ST6GALNAC3: variants seen among roughly 807,000 people sequenced by gnomAD.
ST6GALNAC3 encodes ST6 N-acetylgalactosaminide alpha-2,6-sialyltransferase 3.
ST6GALNAC3 carries 25 observed loss-of-function variants against 32.7 expected under a neutral mutation model. That is an observed-to-expected ratio of 0.76 (90% CI 0.56 to 1.07). ST6GALNAC3 has a LOEUF of 1.07. Ranked by LOEUF, ST6GALNAC3 falls within the 50% of genes least tolerant of loss-of-function variation. The pLI, the probability that ST6GALNAC3 is intolerant of heterozygous loss-of-function variation, is 0.00. For synonymous variants in ST6GALNAC3, 129 were observed against 133.1 expected (o/e 0.97, Z 0.21); for missense variants, 355 against 382.4 (o/e 0.93, Z 0.60).
chr1:76,290,384 G>C (rs1490289261), intron 1 of ST6GALNAC3, among the ~76,000 whole-genome samples: 4 of 151,942 alleles, frequency 2.6e-5, no homozygotes, highest in African/African-American at 9.7e-5. Context: ...AAAACATTCA[G>C]ATCTACCTCA....
At chr1:76,152,345 G>C (rs921952436) in intron 1 of ST6GALNAC3, among the ~76,000 whole-genome samples, 1 of 152,150 alleles carries the variant, frequency 6.6e-6, no homozygotes, top group Non-Finnish European at 1.5e-5. Flanking sequence ...TTTAAGATGC[G>C]GAGGAAATCT....
intron 1 of ST6GALNAC3, among the ~76,000 whole-genome samples, chr1:76,283,206 T>A (rs565697552): frequency 6.6e-6 from 1 of 152,290 alleles, no homozygotes; most frequent in Admixed American, 6.5e-5. Flanking sequence ...GTTTGTTTGT[T>A]TCTATATTAT....
intron 1 of ST6GALNAC3, among the ~76,000 whole-genome samples, chr1:76,290,063 A>G (rs940883322): frequency 5.3e-5 from 8 of 152,220 alleles, no homozygotes; most frequent in African/African-American, 1.9e-4. Context: ...CTCTTTTGAA[A>G]TAGTTTTTAG....
chr1:76,077,444 T>G (rs1388593379), intron 1 of ST6GALNAC3, among the ~76,000 whole-genome samples: 1 of 152,196 alleles, frequency 6.6e-6, no homozygotes, highest in Non-Finnish European at 1.5e-5. Flanking sequence ...AATGTTTTTA[T>G]GTGTACCACA....
At chr1:76,479,044 T>C (rs1659553419) in intron 3 of ST6GALNAC3, among the ~76,000 whole-genome samples, 1 of 152,126 alleles carries the variant, frequency 6.6e-6, no homozygotes, top group South Asian at 2.1e-4. Context: ...ATTACAGGCG[T>C]AACCCACCAT....
chr1:76,525,787 G>GTATATATATA (rs1662840934), intron 3 of ST6GALNAC3, among the ~76,000 whole-genome samples: 1 of 71,392 alleles, frequency 1.4e-5, no homozygotes, highest in East Asian at 6.3e-4. Context: ...GTGTGTGTGT[G>GTATATATATA]TGTGTATATA....
chr1:76,599,455 C>G (rs937872336), intron 3 of ST6GALNAC3, among the ~76,000 whole-genome samples: 2 of 151,922 alleles, frequency 1.3e-5, no homozygotes, highest in African/African-American at 4.8e-5. Flanking sequence ...CCTTGCCCCC[C>G]ACCCTCCGAC....
chr1:76,357,126 T>TTTTC lies in ST6GALNAC3; in HGVS notation c.213+43131_213+43134dup, dbSNP rs1236163749. Among the ~76,000 whole-genome samples, 454 of 78,424 alleles carry TTTTC rather than the reference T, an allele frequency of 5.8e-3. 5 individuals carry two copies. The highest frequency in any genetic ancestry group is 0.02 in the African/African-American group (429 of 21,306). 51.4% of individuals were successfully genotyped at this position (78,424 alleles called of 152,430 possible). On this transcript the variant is annotated intron_variant, in intron 2 of 4. Transcript: ENST00000328299. ...ATGCTAGTTTTCTTTTTTCTTTTCT[T>TTTTC]TTTCTTTTTTTTTTTTTTTCATTTT... is the stretch of plus-strand genomic sequence containing the variant.
chr1:76,234,467 C>G (rs1656537110), intron 1 of ST6GALNAC3, among the ~76,000 whole-genome samples: 2 of 152,180 alleles, frequency 1.3e-5, no homozygotes, highest in East Asian at 3.9e-4. Flanking sequence ...CAGTGGGAAG[C>G]AATTTGGAAC....
chr1:76,432,443 C>CTTTTT (rs35527607), intron 3 of ST6GALNAC3, among the ~76,000 whole-genome samples: 4 of 57,188 alleles, frequency 7.0e-5, no homozygotes, highest in African/African-American at 2.1e-4. Context: ...CCTTTATTGC[C>CTTTTT]TTTTTTTTTT....
At position 76,494,649 on chromosome 1, in the gene ST6GALNAC3, G is replaced by GCACACACACA. The variant is rs35632611; in HGVS notation, c.623+82254_623+82263dup. Among the ~76,000 whole-genome samples, 104 of 67,720 alleles carry GCACACACACA rather than the reference G, an allele frequency of 1.5e-3. 7 individuals are homozygous for GCACACACACA. Among genetic ancestry groups the GCACACACACA allele is most frequent in the African/African-American group, 6.2e-3 (96 of 15,472 alleles). 44.4% of individuals were successfully genotyped at this position (67,720 alleles called of 152,430 possible). Reference sequence around the variant, plus strand: ...ATAAAAATATATTTCATGTGTATGCGCACACACACACACACACACACACAC... The same window carrying GCACACACACA: ...ATAAAAATATATTTCATGTGTATGCGCACACACACACACACACACACACACACACACACAC... On this transcript the variant is annotated intron_variant, in intron 3 of 4. Transcript: ENST00000328299.
At chr1:76,283,242 A>C (rs1342931335) in intron 1 of ST6GALNAC3, among the ~76,000 whole-genome samples, 1 of 152,150 alleles carries the variant, frequency 6.6e-6, no homozygotes, top group Non-Finnish European at 1.5e-5. Flanking sequence ...CAGAGTATAG[A>C]AAATTGGCTT....
At chr1:76,565,550 T>C (rs1398519198) in intron 3 of ST6GALNAC3, among the ~76,000 whole-genome samples, 2 of 152,154 alleles carry the variant, frequency 1.3e-5, no homozygotes, top group African/African-American at 4.8e-5. Flanking sequence ...TCACTAAGCC[T>C]CCCAGCTCGG....
chr1:76,513,935 T>C (rs983444812), intron 3 of ST6GALNAC3, among the ~76,000 whole-genome samples: 2 of 152,204 alleles, frequency 1.3e-5, no homozygotes, highest in African/African-American at 4.8e-5. Context: ...ATGGAATTGT[T>C]TTCCTGAATT....
Position 76,357,130 on chromosome 1 carries a change from C to CTTTTTTTTTTT in ST6GALNAC3, c.213+43136_213+43146dup, listed in dbSNP as rs55786044. 1.8e-3 allele frequency among the ~76,000 whole-genome samples: 199 copies of CTTTTTTTTTTT among 111,164 alleles called. 2 individuals are homozygous for CTTTTTTTTTTT. Among genetic ancestry groups the CTTTTTTTTTTT allele is most frequent in the East Asian group, 2.5e-3 (9 of 3,608 alleles). The allele number at this position is 111,164 out of a possible 152,430, so 72.9% of individuals were successfully genotyped here. A position where few individuals can be genotyped will look rare whatever the true frequency, so the allele number is the denominator to read the frequency against. On this transcript the variant is annotated intron_variant, in intron 2 of 4. Transcript: ENST00000328299. ...TAGTTTTCTTTTTTCTTTTCTTTTTCTTTTTTTTTTTTTTTCATTTTTGAG... is the reference window on the plus strand; with the variant it reads ...TAGTTTTCTTTTTTCTTTTCTTTTTCTTTTTTTTTTTTTTTTTTTTTTTTTTCATTTTTGAG...
intron 2 of ST6GALNAC3, among the ~76,000 whole-genome samples, chr1:76,338,894 A>G (rs1239115976): frequency 6.6e-6 from 1 of 152,188 alleles, no homozygotes; most frequent in Non-Finnish European, 1.5e-5. Context: ...ATCTTCCAAG[A>G]TATCCACCCA....
At chr1:76,162,682 C>T (rs1055225999) in intron 1 of ST6GALNAC3, among the ~76,000 whole-genome samples, 9 of 152,100 alleles carry the variant, frequency 5.9e-5, no homozygotes, top group African/African-American at 1.2e-4. Flanking sequence ...GCACACCCAG[C>T]TGGGTCTAAT....
chr1:76,514,188 G>A lies in ST6GALNAC3; in HGVS notation c.623+101771G>A, dbSNP rs1024849924. 3.3e-5 allele frequency among the ~76,000 whole-genome samples: 5 copies of A among 152,228 alleles called. No individual in the cohort carries two copies. The East Asian group carries it at 7.7e-4, about 24-fold the overall frequency. On this transcript the variant is annotated intron_variant, in intron 3 of 4. Coordinates refer to ENST00000328299, the MANE Select transcript of ST6GALNAC3 (RefSeq NM_152996.4). Reference sequence around the variant, plus strand: ...CTAGTTGCTCTGGCAAGCACATTCAGTATTGTGTTGTGGGTTTGTCATATG... The same window carrying A: ...CTAGTTGCTCTGGCAAGCACATTCAATATTGTGTTGTGGGTTTGTCATATG...
intron 1 of ST6GALNAC3, among the ~76,000 whole-genome samples, chr1:76,249,179 G>A (rs965147946): frequency 6.6e-6 from 1 of 152,174 alleles, no homozygotes; most frequent in Non-Finnish European, 1.5e-5. Flanking sequence ...ACAGCGTTGT[G>A]CAAACGTCTC....
Sources: allele counts gnomAD v4.1 joint callset (sites outside exome capture counted in the v4.1 genomes callset), GRCh38; gene constraint gnomAD v4.1.1; transcripts MANE v1.5; gene names NCBI Gene and HGNC (gene_info 2026-07-23, HGNC 2026-07-21).